NEK9: variants seen among roughly 807,000 people sequenced by gnomAD.
NEK9 encodes serine/threonine-protein kinase Nek9.
Under a neutral mutation model 123.4 loss-of-function variants are expected in NEK9, and 75 were observed. The observed-to-expected ratio is 0.61, with a 90% CI of 0.50 to 0.74. The LOEUF is 0.74. Among genes scored for constraint, NEK9 ranks in the 30% least tolerant of loss-of-function variants. The pLI, the probability that NEK9 is intolerant of heterozygous loss-of-function variation, is 0.00. For missense variants in NEK9, 952 were observed against 1,214.4 expected, an observed-to-expected ratio of 0.78 and a Z score of 3.21; for synonymous variants, 438 against 458.7, an observed-to-expected ratio of 0.95 and a Z score of 0.58.
chr14:75,110,849 T>C (rs1035999126), intron 8 of NEK9, among the ~76,000 whole-genome samples: 1 of 152,142 alleles, frequency 6.6e-6, no homozygotes, highest in African/African-American at 2.4e-5. Context: ...TCATCTCTGA[T>C]TCATCTCTCT....
At chr14:75,109,019 A>G (rs1009200559) in intron 10 of NEK9, among the ~76,000 whole-genome samples, 1 of 152,236 alleles carries the variant, frequency 6.6e-6, no homozygotes, top group Non-Finnish European at 1.5e-5. Flanking sequence ...TGCTGCCGAG[A>G]GGTCAAGCTA....
At position 75,083,088 on chromosome 14, in the gene NEK9, T is replaced by C. The variant is rs1056906634; in HGVS notation, c.*1476A>G. On this transcript the variant is annotated 3_prime_UTR_variant, in exon 22 of 22. Transcript: ENST00000238616. ...TTTTGGAGAAATGGCAAAATTTCCA[T>C]TGCACAAGACCTCCCACAATGTTGA... 2.5e-6 allele frequency: 1 copy of C among 398,482 alleles called. No homozygotes were observed. Among genetic ancestry groups the C allele is most frequent in the African/African-American group, 2.1e-5 (1 of 48,626 alleles). 24.7% of individuals were successfully genotyped at this position (398,482 alleles called of 1,614,324 possible). A position where few individuals can be genotyped will look rare whatever the true frequency, so the allele number is the denominator to read the frequency against.
At chr14:75,120,655 A>G in intron 3 of NEK9, 75 bp from the exon 4 acceptor site, 1 of 1,104,612 alleles carries the variant, frequency 9.1e-7, no homozygotes, top group Non-Finnish European at 1.3e-6. Context: ...ACATAAACAA[A>G]CAAAACAAAG....
rs781264240 is a variant in NEK9, at chr14:75,101,060, C to G, written c.1934G>C (p.Gly645Ala). The G allele has an allele frequency of 6.2e-7, 1 of 1,614,066 alleles. No homozygotes were observed. The change falls in exon 16 of 22, where the codon GGA becomes GCA. Residue 645 changes from glycine (G) to alanine (A), a missense_variant. Transcript: ENST00000238616. ...GATCACTTGCTTCCCACCAAGGGGT[C>G]CCCCCAACAGGTTGATTCCCAGACG... is the stretch of plus-strand genomic sequence containing the variant. ...KKRLGINLLG[G>A]PLGGKQVIRV...
chr14:75,105,837 G>C, intron 13 of NEK9, 113 bp downstream of exon 13: 1 of 823,908 alleles, frequency 1.2e-6, no homozygotes, highest in Non-Finnish European at 2.0e-6. Flanking sequence ...TCCCAAACAG[G>C]AAACACTTCG....
At chr14:75,125,789 CCAG>C (rs1895503387) in intron 1 of NEK9, among the ~76,000 whole-genome samples, 1 of 152,192 alleles carries the variant, frequency 6.6e-6, no homozygotes, top group African/African-American at 2.4e-5. Flanking sequence ...GGAACACACA[CCAG>C]AACTGCAGAT....
chr14:75,109,290 C>T (rs1329767398), intron 10 of NEK9, among the ~76,000 whole-genome samples: 1 of 152,186 alleles, frequency 6.6e-6, no homozygotes, highest in Non-Finnish European at 1.5e-5. Flanking sequence ...CAGGGGTTTC[C>T]TGACATGGTA....
At chr14:75,096,005 C>T (rs1045023067) in intron 17 of NEK9, among the ~76,000 whole-genome samples, 4 of 152,106 alleles carry the variant, frequency 2.6e-5, no homozygotes, top group African/African-American at 7.2e-5. Context: ...GCTTCTTGGC[C>T]GGGTTCAGTG....
At chr14:75,124,346 T>C in intron 1 of NEK9, 123 bp from the exon 2 acceptor site, 1 of 771,132 alleles carries the variant, frequency 1.3e-6, no homozygotes, top group Non-Finnish European at 2.1e-6. Context: ...CCTCTTATTT[T>C]TTCCTTTTAA....
intron 6 of NEK9, chr14:75,116,408 G>T: frequency 4.3e-6 from 1 of 230,548 alleles, no homozygotes; most frequent in Non-Finnish European, 9.2e-6. Flanking sequence ...CTGCACTCCA[G>T]GCCTGGGCAA....
chr14:75,124,884 C>T (rs561805739), intron 1 of NEK9, among the ~76,000 whole-genome samples: 3 of 151,616 alleles, frequency 2.0e-5, no homozygotes, highest in Admixed American at 2.0e-4. Context: ...AATCCTCCCA[C>T]CTCAGCTTCC....
chr14:75,125,738 CTCTCCT>C (rs752503387), intron 1 of NEK9, among the ~76,000 whole-genome samples: 1 of 152,234 alleles, frequency 6.6e-6, no homozygotes, highest in Non-Finnish European at 1.5e-5. Context: ...GCAACCACTT[CTCTCCT>C]TCTCCATCTT....
At chr14:75,097,008 A>G (rs1396008931) in intron 17 of NEK9, 92 bp downstream of exon 17, 2 of 1,288,064 alleles carry the variant, frequency 1.6e-6, no homozygotes, top group African/African-American at 3.0e-5. Context: ...TCTTCAGGAC[A>G]TTTCTGTTTC....
chr14:75,123,332 C>T (rs547008100), intron 2 of NEK9, among the ~76,000 whole-genome samples: 11 of 152,066 alleles, frequency 7.2e-5, no homozygotes, highest in African/African-American at 2.2e-4. Context: ...ACCCAGGAGG[C>T]GGAGGTTGTG....
chr14:75,106,382 AAAAG>A, intron 12 of NEK9, 116 bp downstream of exon 12: 1 of 767,560 alleles, frequency 1.3e-6, no homozygotes, highest in East Asian at 3.0e-5. Flanking sequence ...AAAAAAAAAA[AAAAG>A]ATTTACTGAA....
intron 16 of NEK9, 89 bp from the exon 17 acceptor site, chr14:75,097,359 A>C (rs756033718): frequency 3.6e-6 from 4 of 1,115,460 alleles, no homozygotes; most frequent in Non-Finnish European, 5.0e-6. Flanking sequence ...TAGAGCTAGA[A>C]AGACTTCCCA....
intron 18 of NEK9, among the ~76,000 whole-genome samples, chr14:75,093,608 C>CA (rs1343680437): frequency 1.3e-5 from 2 of 152,112 alleles, no homozygotes; most frequent in Non-Finnish European, 2.9e-5. Flanking sequence ...TGTGCACCAC[C>CA]ATGCCTGGCT....
intron 17 of NEK9, among the ~76,000 whole-genome samples, chr14:75,096,030 T>C (rs1323628632): frequency 1.3e-5 from 2 of 152,180 alleles, no homozygotes; most frequent in Non-Finnish European, 2.9e-5. Flanking sequence ...ATGTCTGTAA[T>C]CTCAGCACTT....
intron 4 of NEK9, among the ~76,000 whole-genome samples, chr14:75,119,424 G>A (rs1257029086): frequency 6.6e-6 from 1 of 152,230 alleles, no homozygotes; most frequent in Non-Finnish European, 1.5e-5. Context: ...TAACACTGAA[G>A]TGGGGACTTT....
Sources: allele counts gnomAD v4.1 joint callset (sites outside exome capture counted in the v4.1 genomes callset), GRCh38; gene constraint gnomAD v4.1.1; transcripts MANE v1.5; gene names NCBI Gene and HGNC (gene_info 2026-07-23, HGNC 2026-07-21).